The following UPB1 variants were observed in gnomAD, a reference collection of about 807,000 sequenced individuals.
UPB1 encodes the protein beta-ureidopropionase.
UPB1 carries 40 observed loss-of-function variants against 49.1 expected under a neutral mutation model. That is an observed-to-expected ratio of 0.81 (90% CI 0.63 to 1.06). The LOEUF (loss-of-function observed/expected upper bound fraction) is 1.06. Among genes scored for constraint, UPB1 ranks in the 50% least tolerant of loss-of-function variants. The probability of loss-of-function intolerance (pLI) is 0.00; values close to 1 mark genes in which losing one functional copy is unlikely to be tolerated. For synonymous variants in UPB1, 207 were observed against 198.2 expected (o/e 1.04, Z -0.38); for missense variants, 499 against 505.9 (o/e 0.99, Z 0.13).
At chr22:24,506,328 G>C (rs996413308) in intron 3 of UPB1, among the ~76,000 whole-genome samples, 37 of 152,148 alleles carry the variant, frequency 2.4e-4, no homozygotes, top group African/African-American at 7.9e-4. Flanking sequence ...GCCCCTAACT[G>C]CTTCTTAAAT....
rs752667067 is a variant in UPB1, at chr22:24,510,730, C to T, written c.365-19C>T. 6 of 1,612,690 alleles carry T rather than the reference C, an allele frequency of 3.7e-6. No homozygotes were observed. In the Admixed American group the frequency reaches 1.0e-4, roughly 27 times the overall value. On this transcript the variant is annotated intron_variant, in intron 3 of 9. Coordinates refer to ENST00000326010, the MANE Select transcript of UPB1 (RefSeq NM_016327.3). Reference sequence around the variant, plus strand: ...GCTGTGCATGTTGGATATAATTCTGCCCTTTCTCCTATTTATAGCTATGCC... The same window carrying T: ...GCTGTGCATGTTGGATATAATTCTGTCCTTTCTCCTATTTATAGCTATGCC...
At chr22:24,525,596 T>C in intron 9 of UPB1, 115 bp from the exon 10 acceptor site, 9 of 1,245,410 alleles carry the variant, frequency 7.2e-6, no homozygotes, top group Non-Finnish European at 1.1e-5. Context: ...TCAACGAGCC[T>C]TCCTGATGCG....
intron 1 of UPB1, among the ~76,000 whole-genome samples, chr22:24,497,634 G>A (rs1048532656): frequency 1.3e-5 from 2 of 152,168 alleles, no homozygotes; most frequent in African/African-American, 4.8e-5. Flanking sequence ...CAGGGTGAGG[G>A]GTAGAGGGTC....
At chr22:24,505,593 C>T (rs1398450820) in intron 3 of UPB1, among the ~76,000 whole-genome samples, 2 of 152,234 alleles carry the variant, frequency 1.3e-5, no homozygotes, top group African/African-American at 2.4e-5. Flanking sequence ...AGCCAGAGAG[C>T]CTCTGCTGAA....
intron 6 of UPB1, among the ~76,000 whole-genome samples, chr22:24,515,880 G>C (rs528215076): frequency 6.6e-6 from 1 of 152,338 alleles, no homozygotes; most frequent in Non-Finnish European, 1.5e-5. Flanking sequence ...GGAGGCTGAG[G>C]CAGGAGAATC....
At chr22:24,506,177 C>A (rs1015375355) in intron 3 of UPB1, among the ~76,000 whole-genome samples, 2 of 151,568 alleles carry the variant, frequency 1.3e-5, no homozygotes, top group African/African-American at 2.4e-5. Flanking sequence ...TGTACCACCA[C>A]ACCCAGCTAA....
chr22:24,509,361 G>GAAAAAAAAAAAAAAAAAAA (rs202081655), intron 3 of UPB1, among the ~76,000 whole-genome samples: 8 of 92,154 alleles, frequency 8.7e-5, no homozygotes, highest in Non-Finnish European at 1.2e-4. Flanking sequence ...CCTACTGTTT[G>GAAAAAAAAAAAAAAAAAAA]AAAAAAAAAA....
chr22:24,517,012 C>T (rs1007459434), intron 6 of UPB1, among the ~76,000 whole-genome samples: 3 of 152,252 alleles, frequency 2.0e-5, no homozygotes, highest in Non-Finnish European at 4.4e-5. Context: ...GCGTGAGCCA[C>T]TGCCCCCGGC....
In UPB1 at chr22:24,510,666, G is replaced by A. The variant is rs2044181846; in HGVS notation, c.365-83G>A. 13 of 1,435,842 alleles carry A rather than the reference G, an allele frequency of 9.1e-6. No homozygotes were observed. The Admixed American group carries it at 1.3e-4, about 15-fold the overall frequency. The allele number at this position is 1,435,842 out of a possible 1,614,324, so 88.9% of individuals were successfully genotyped here. Reference sequence around the variant, plus strand: ...ACTCCTGAGACTGTATTCTTTTGCAGTGACTTCCCGCTGCTGGGCTGAGGA... The same window carrying A: ...ACTCCTGAGACTGTATTCTTTTGCAATGACTTCCCGCTGCTGGGCTGAGGA... On this transcript the variant is annotated intron_variant, in intron 3 of 9. Transcript: ENST00000326010.
intron 9 of UPB1, among the ~76,000 whole-genome samples, 171 bp from the exon 10 acceptor site, chr22:24,525,540 C>A (rs963661490): frequency 1.3e-5 from 2 of 152,236 alleles, no homozygotes; most frequent in Non-Finnish European, 2.9e-5. Flanking sequence ...ATTGTAGCAT[C>A]TGTGAACTTT....
intron 1 of UPB1, among the ~76,000 whole-genome samples, chr22:24,497,336 C>T (rs1487025423): frequency 1.3e-5 from 2 of 152,170 alleles, no homozygotes; most frequent in Middle Eastern, 6.3e-3. Context: ...TATACCCTTT[C>T]CCACTATTTG....
At position 24,496,425 on chromosome 22, in the gene UPB1, A is replaced by G. The variant is rs112852686; in HGVS notation, c.104+918A>G. Among the ~76,000 whole-genome samples, 96 of 150,524 alleles carry G rather than the reference A, an allele frequency of 6.4e-4. 1 individual carries two copies. Among genetic ancestry groups the G allele is most frequent in the African/African-American group, 2.1e-3 (84 of 40,888 alleles). On this transcript the variant is annotated intron_variant, in intron 1 of 9. Coordinates refer to ENST00000326010, the MANE Select transcript of UPB1 (RefSeq NM_016327.3). ...CACATACACACACACACACACACAC[A>G]CGTCTTTGGATTTGGAGCTTACTTG...
At chr22:24,501,138 T>C (rs1043299092) in intron 2 of UPB1, among the ~76,000 whole-genome samples, 2 of 152,246 alleles carry the variant, frequency 1.3e-5, no homozygotes, top group Non-Finnish European at 2.9e-5. Flanking sequence ...CTATGTTTTT[T>C]TCACGTGCAC....
chr22:24,523,735 A>T lies in UPB1; in HGVS notation c.1033A>T (p.Asn345Tyr), dbSNP rs1407005142. 2 of 1,614,146 alleles carry T rather than the reference A, an allele frequency of 1.2e-6. No homozygotes were observed. ...ACTGCTAGTTGCTAAGCTCGACCTA[A>T]ACCTCTGCCAGCAGGTGAATGATGT... ...DGLLVAKLDL[N>Y]LCQQVNDVWN... is the part of the protein sequence containing the mutation. The change falls in exon 9 of 10, where the codon AAC (asparagine) becomes TAC (tyrosine). Residue 345 changes from asparagine (N) to tyrosine (Y), a missense_variant. Asn to Tyr is a moderately radical substitution (Grantham distance 143, BLOSUM62 -2). Coordinates refer to ENST00000326010, the MANE Select transcript of UPB1 (RefSeq NM_016327.3).
At chr22:24,522,113 G>T in intron 8 of UPB1, 85 bp downstream of exon 8, 1 of 1,505,150 alleles carries the variant, frequency 6.6e-7, no homozygotes, top group Non-Finnish European at 9.2e-7. Context: ...GTCAGGATCT[G>T]CCACACAGAT....
intron 1 of UPB1, among the ~76,000 whole-genome samples, chr22:24,497,823 A>G (rs573848294): frequency 6.6e-6 from 1 of 152,274 alleles, no homozygotes; most frequent in African/African-American, 2.4e-5. Flanking sequence ...AGGGAGAAAA[A>G]GGAGAAGGGT....
At position 24,495,503 on chromosome 22, in the gene UPB1, C is replaced by T. The variant is rs2043852696; in HGVS notation, c.100C>T (p.Leu34Phe). 1 of 1,614,012 alleles carries T rather than the reference C, an allele frequency of 6.2e-7. No individual in the cohort carries two copies. Among genetic ancestry groups the T allele is most frequent in the Non-Finnish European group, 8.5e-7 (1 of 1,180,020 alleles). Residue 34 changes from leucine (L) to phenylalanine (F), a missense_variant, in exon 1 of 10, where the codon CTC (leucine) becomes TTC (phenylalanine). Coordinates refer to ENST00000326010, the MANE Select transcript of UPB1 (RefSeq NM_016327.3). The stretch of plus-strand genomic sequence containing the variant: ...GAAGCGCGTTCTCTATGGCAAGGAA[C>T]TCAGGTCCGCAGCCAAGAGGCTAAG... The part of the protein sequence containing the change: ...EVKRVLYGKE[L>F]RKLDLPREAF...
intron 3 of UPB1, among the ~76,000 whole-genome samples, chr22:24,506,502 C>T (rs1481932525): frequency 6.6e-6 from 1 of 152,186 alleles, no homozygotes; most frequent in African/African-American, 2.4e-5. Flanking sequence ...CATCTTTCCG[C>T]CTTCCAGCTT....
rs2043845467 is a variant in UPB1 at position 24,495,345 on chromosome 22, C to T, written c.-59C>T. The T allele has an allele frequency of 2.5e-6, 4 of 1,579,658 alleles. No individual in the cohort carries two copies. Among genetic ancestry groups the T allele is most frequent in the Non-Finnish European group, 2.6e-6 (3 of 1,155,166 alleles). On this transcript the variant is annotated 5_prime_UTR_variant, in exon 1 of 10. Transcript: ENST00000326010. ...CTGACCGGGCCTGGGCACCTCCTCCCACTGCGGGCAAAGGGCAGGCAGTTC... is the reference window on the plus strand; with the variant it reads ...CTGACCGGGCCTGGGCACCTCCTCCTACTGCGGGCAAAGGGCAGGCAGTTC...
Sources: gnomAD v4.1 joint callset for allele counts (sites outside exome capture counted in the v4.1 genomes callset) on GRCh38, gnomAD v4.1.1 for gene constraint, MANE v1.5 for transcripts, NCBI Gene and HGNC (gene_info 2026-07-23, HGNC 2026-07-21) for gene names.